Variants in UNC5D observed in about 807,000 individuals in gnomAD.
UNC5D encodes unc-5 netrin receptor D.
A neutral mutation model predicts 105.4 loss-of-function variants in UNC5D; 39 were observed. That is an observed-to-expected ratio of 0.37 (90% CI 0.29 to 0.48). The LOEUF (loss-of-function observed/expected upper bound fraction) is 0.48, where lower values mean the gene tolerates loss of function less well. UNC5D is among the 20% of genes least tolerant of loss of function. The probability of loss-of-function intolerance (pLI) is 0.98; values close to 1 mark genes in which losing one functional copy is unlikely to be tolerated. For missense variants in UNC5D, 991 were observed against 1,202.4 expected (o/e 0.82, Z 2.60); for synonymous variants, 452 against 450.4 (o/e 1.00, Z -0.04).
intron 1 of UNC5D, among the ~76,000 whole-genome samples, chr8:35,441,963 A>T (rs1415652661): frequency 6.6e-6 from 1 of 151,910 alleles, no homozygotes; most frequent in Non-Finnish European, 1.5e-5. Context: ...TTGTAGAATA[A>T]CAAAATAATT....
At chr8:35,549,245 G>A in intron 1 of UNC5D, 47 bp from the exon 2 acceptor site, 5 of 1,586,002 alleles carry the variant, frequency 3.2e-6, no homozygotes, top group Non-Finnish European at 4.3e-6. Context: ...CCTGGTGTAT[G>A]TGCTATCAAT....
intron 13 of UNC5D, among the ~76,000 whole-genome samples, chr8:35,753,609 T>C (rs969049913): frequency 6.6e-6 from 1 of 152,244 alleles, no homozygotes; most frequent in Non-Finnish European, 1.5e-5. Flanking sequence ...ATAATGTTTT[T>C]TGGTAGAAAT....
intron 1 of UNC5D, among the ~76,000 whole-genome samples, chr8:35,504,228 G>T (rs567032311): frequency 6.6e-6 from 1 of 152,272 alleles, no homozygotes; most frequent in Non-Finnish European, 1.5e-5. Flanking sequence ...GTAAATCCTG[G>T]ATCAGCCCTG....
chr8:35,715,025 C>T (rs935464392), intron 8 of UNC5D, among the ~76,000 whole-genome samples: 6 of 152,182 alleles, frequency 3.9e-5, no homozygotes, highest in Admixed American at 1.3e-4. Flanking sequence ...GTGGCGCATG[C>T]CTGTAATTCC....
chr8:35,753,917 G>C (rs1463092653), intron 13 of UNC5D, among the ~76,000 whole-genome samples: 1 of 152,198 alleles, frequency 6.6e-6, no homozygotes, highest in Non-Finnish European at 1.5e-5. Flanking sequence ...TTTTGTTTCT[G>C]AAACTGTCTT....
intron 1 of UNC5D, among the ~76,000 whole-genome samples, chr8:35,504,483 T>C (rs1812182973): frequency 6.6e-6 from 1 of 152,152 alleles, no homozygotes. Flanking sequence ...TGCTTGTGAA[T>C]GGTGGAGAGG....
intron 1 of UNC5D, among the ~76,000 whole-genome samples, chr8:35,386,553 T>C (rs1481026443): frequency 2.0e-5 from 3 of 152,272 alleles, no homozygotes; most frequent in Non-Finnish European, 2.9e-5. Context: ...CTTGTAATTT[T>C]AGAAGAGCTG....
chr8:35,559,045 A>G (rs1816747960), intron 2 of UNC5D, among the ~76,000 whole-genome samples: 1 of 152,232 alleles, frequency 6.6e-6, no homozygotes. Flanking sequence ...TCTCTCCCAG[A>G]GAACTGACCA....
chr8:35,399,773 A>C (rs1804334438), intron 1 of UNC5D, among the ~76,000 whole-genome samples: 1 of 152,138 alleles, frequency 6.6e-6, no homozygotes. Flanking sequence ...GCCCACCAAG[A>C]AGGTTCCTCT....
chr8:35,545,807 A>G (rs1272311392), intron 1 of UNC5D, among the ~76,000 whole-genome samples: 1 of 152,128 alleles, frequency 6.6e-6, no homozygotes, highest in Non-Finnish European at 1.5e-5. Flanking sequence ...ATGGATCCCA[A>G]CAATTTTTGT....
intron 7 of UNC5D, 133 bp from the exon 8 acceptor site, chr8:35,705,796 C>A: frequency 2.1e-6 from 1 of 481,594 alleles, no homozygotes; most frequent in Non-Finnish European, 3.5e-6. Context: ...ATGGACAATG[C>A]CATTCCTGTT....
At chr8:35,408,113 T>C (rs1804924778) in intron 1 of UNC5D, among the ~76,000 whole-genome samples, 1 of 152,156 alleles carries the variant, frequency 6.6e-6, no homozygotes. Context: ...TGGTCATTCA[T>C]ATCAATTTCA....
intron 1 of UNC5D, among the ~76,000 whole-genome samples, chr8:35,526,189 CAT>C (rs1252375357): frequency 1.3e-5 from 2 of 152,176 alleles, no homozygotes; most frequent in Non-Finnish European, 2.9e-5. Context: ...TCTACTTTCT[CAT>C]AGAAAACTAG....
chr8:35,334,320 C>T (rs1180927477), intron 1 of UNC5D, among the ~76,000 whole-genome samples: 5 of 152,062 alleles, frequency 3.3e-5, no homozygotes, highest in Non-Finnish European at 5.9e-5. Context: ...ACAAAATCAC[C>T]AATTAGAACA....
chr8:35,720,845 T>C (rs1298834562), intron 8 of UNC5D, among the ~76,000 whole-genome samples: 1 of 152,170 alleles, frequency 6.6e-6, no homozygotes, highest in Non-Finnish European at 1.5e-5. Flanking sequence ...TGCTGTTTTT[T>C]TTTTTTTGAT....
intron 1 of UNC5D, among the ~76,000 whole-genome samples, chr8:35,268,073 G>C (rs1805014786): frequency 1.3e-5 from 2 of 151,970 alleles, no homozygotes; most frequent in African/African-American, 4.8e-5. Context: ...TGATTTTTTT[G>C]TTCCAAATAC....
At chr8:35,593,195 C>CT (rs1266417998) in intron 3 of UNC5D, among the ~76,000 whole-genome samples, 1 of 152,076 alleles carries the variant, frequency 6.6e-6, no homozygotes, top group Non-Finnish European at 1.5e-5. Flanking sequence ...CTCCAGTTGT[C>CT]TTTTCACCTG....
At chr8:35,664,127 T>G (rs1213036090) in intron 4 of UNC5D, among the ~76,000 whole-genome samples, 1 of 152,202 alleles carries the variant, frequency 6.6e-6, no homozygotes, top group Non-Finnish European at 1.5e-5. Flanking sequence ...GTCAGATATA[T>G]TTAAAGGGCA....
At chr8:35,281,698 G>A (rs1396739560) in intron 1 of UNC5D, among the ~76,000 whole-genome samples, 1 of 152,108 alleles carries the variant, frequency 6.6e-6, no homozygotes, top group African/African-American at 2.4e-5. Context: ...GTTCTCCTGT[G>A]AGCATGCCTT....
Sources: allele counts gnomAD v4.1 joint callset (sites outside exome capture counted in the v4.1 genomes callset), GRCh38; gene constraint gnomAD v4.1.1; transcripts MANE v1.5; gene names NCBI Gene and HGNC (gene_info 2026-07-23, HGNC 2026-07-21).